Variants in CFLAR observed in about 807,000 individuals in gnomAD.
CFLAR encodes the protein CASP8 and FADD-like apoptosis regulator.
In CFLAR, 14 loss-of-function variants were observed where a neutral mutation model predicts 51.1. The observed-to-expected ratio is 0.27, with a 90% CI of 0.18 to 0.43. The LOEUF is 0.43. Ranked by LOEUF, CFLAR falls within the 20% of genes least tolerant of loss-of-function variation. The pLI is 1.00. For missense variants in CFLAR, 390 were observed against 566.5 expected (o/e 0.69, Z 3.16); for synonymous variants, 210 against 211.6 (o/e 0.99, Z 0.06).
At chr2:201,154,142 A>G in intron 8 of CFLAR, 2 of 289,982 alleles carry the variant, frequency 6.9e-6, no homozygotes, top group Non-Finnish European at 1.4e-5. Flanking sequence ...CCCAGGTTGG[A>G]GTGCAATGGC....
intron 5 of CFLAR, among the ~76,000 whole-genome samples, chr2:201,145,133 G>A (rs575062099): frequency 6.6e-6 from 1 of 152,284 alleles, no homozygotes; most frequent in South Asian, 2.1e-4. Flanking sequence ...GATTACAGGT[G>A]TCAGCCATCG....
chr2:201,162,115 G>A (rs1943109971), intron 9 of CFLAR, among the ~76,000 whole-genome samples: 2 of 150,880 alleles, frequency 1.3e-5, no homozygotes, highest in Admixed American at 6.6e-5. Context: ...TTGTTTGTTT[G>A]TTTTTTGAGA....
In CFLAR at chr2:201,138,484, A is replaced by G; in HGVS notation, c.524-1873A>G. On this transcript the variant is annotated intron_variant, in intron 4 of 9. Transcript: ENST00000309955. The surrounding 1 kb of genome is among the most constrained non-coding windows in gnomAD (Gnocchi z 4.0). ...GATCTCATTTGCCTCTTTCAACCTC[A>G]CACTGCTGGAGCCACCACTAGCTTG... The G allele has an allele frequency of 8.9e-7, 1 of 1,118,142 alleles. No individual in the cohort carries two copies. The highest frequency in any genetic ancestry group is 1.4e-6 in the Non-Finnish European group (1 of 738,056). The allele number at this position is 1,118,142 out of a possible 1,614,324, so 69.3% of individuals were successfully genotyped here. A position where few individuals can be genotyped will look rare whatever the true frequency, so the allele number is the denominator to read the frequency against.
In CFLAR at chr2:201,168,058, A is replaced by ACAG. The variant is rs1172964517; in HGVS notation, c.*4085_*4086insCAG. 2 of 152,292 alleles carry ACAG rather than the reference A, an allele frequency of 1.3e-5. No homozygotes were observed. Among genetic ancestry groups the ACAG allele is most frequent in the Middle Eastern group, 3.4e-3 (1 of 296 alleles). The allele number at this position is 152,292 out of a possible 1,614,324, so 9.4% of individuals were successfully genotyped here. ...GGAGATCAAGACCATCCTGGCTAACATGTAAAACCCCGTCTCTACTAAAAA... is the reference window on the plus strand; with the variant it reads ...GGAGATCAAGACCATCCTGGCTAACACAGTGTAAAACCCCGTCTCTACTAAAAA... On this transcript the variant is annotated 3_prime_UTR_variant, in exon 10 of 10. Coordinates refer to ENST00000309955, the MANE Select transcript of CFLAR (RefSeq NM_003879.7).
rs960127492 is a variant in CFLAR at position 201,141,226 on chromosome 2, G to A, written c.606+787G>A. 5.4e-5 allele frequency: 59 copies of A among 1,090,464 alleles called. No homozygotes were observed. The African/African-American group carries it at 8.6e-4, about 16-fold the overall frequency. 67.5% of individuals were successfully genotyped at this position (1,090,464 alleles called of 1,614,324 possible). On this transcript the variant is annotated intron_variant, in intron 5 of 9. Coordinates refer to ENST00000309955, the MANE Select transcript of CFLAR (RefSeq NM_003879.7). ...GCCTGGGTGACAAGAGCAAAACTCT[G>A]TCTCAAAAAAAATGTTTTCTTCCTA...
intron 8 of CFLAR, among the ~76,000 whole-genome samples, chr2:201,157,071 AT>A (rs1443076220): frequency 6.6e-6 from 1 of 152,184 alleles, no homozygotes; most frequent in Non-Finnish European, 1.5e-5. Flanking sequence ...GGCTGCCTTT[AT>A]TTCCTTTAAA....
At position 201,124,012 on chromosome 2, in the gene CFLAR, C is replaced by G. The variant is rs2048442914; in HGVS notation, c.-137-5717C>G. On this transcript the variant is annotated intron_variant, in intron 1 of 9. Coordinates refer to ENST00000309955, the MANE Select transcript of CFLAR (RefSeq NM_003879.7). The surrounding 1 kb of genome is among the most constrained non-coding windows in gnomAD (Gnocchi z 4.7). ...CAGTTTGTGGGGTTGCAAGAAATTA[C>G]ATTTGCATTCACGCTGTGGCTCACT... is the stretch of plus-strand genomic sequence containing the variant. 6.6e-6 allele frequency among the ~76,000 whole-genome samples: 1 copy of G among 152,200 alleles called. No individual in the cohort carries two copies. Among genetic ancestry groups the G allele is most frequent in the South Asian group, 2.1e-4 (1 of 4,832 alleles).
chr2:201,149,203 G>A, intron 7 of CFLAR, 151 bp downstream of exon 7: 1 of 564,894 alleles, frequency 1.8e-6, no homozygotes, highest in East Asian at 2.9e-5. Context: ...AGGGAACCCT[G>A]AATAACAAAG....
chr2:201,124,775 A>G lies in CFLAR; in HGVS notation c.-137-4954A>G, dbSNP rs1284962371. Among the ~76,000 whole-genome samples, 1 of 152,232 alleles carries G rather than the reference A, an allele frequency of 6.6e-6. No homozygotes were observed. The highest frequency in any genetic ancestry group is 1.5e-5 in the Non-Finnish European group (1 of 68,040). The stretch of plus-strand genomic sequence containing the variant: ...TGGTAGGCACCAGCATTTAAGGGAC[A>G]GGTGCAGAAAGAGTATGCTGAGGAG... On this transcript the variant is annotated intron_variant, in intron 1 of 9. Transcript: ENST00000309955. This position sits in a 1 kb window ranked among gnomAD's most constrained non-coding sequence, Gnocchi z 4.7.
At chr2:201,161,203 T>G (rs1217418809) in intron 9 of CFLAR, among the ~76,000 whole-genome samples, 2 of 152,144 alleles carry the variant, frequency 1.3e-5, no homozygotes, top group African/African-American at 4.8e-5. Flanking sequence ...GAGAACTTGC[T>G]CTATAAACAT....
In CFLAR at chr2:201,148,983, TTCTC is replaced by T. The variant is rs767396641; in HGVS notation, c.662-13_662-10del. On this transcript the variant is annotated splice_polypyrimidine_tract_variant and intron_variant, in intron 6 of 9. Transcript: ENST00000309955. ...GCTCTCCTTCAGCTTTGTAAATGGT[TTCTC>T]TCTCTCATCCCCCAGAAGAACCAGT... is the stretch of plus-strand genomic sequence containing the variant. 6 of 1,601,988 alleles carry T rather than the reference TTCTC, an allele frequency of 3.7e-6. No individual in the cohort carries two copies.
At position 201,129,738 on chromosome 2, in the gene CFLAR, A is replaced by T. The variant is rs1331198153; in HGVS notation, c.-128A>T. ...TCCCTTTTAACCACAGAACTCCCCC[A>T]CTGGAAAGGATTCTGAAAGAAATGA... On this transcript the variant is annotated 5_prime_UTR_variant, in exon 2 of 10. Coordinates refer to ENST00000309955, the MANE Select transcript of CFLAR (RefSeq NM_003879.7). 7 of 851,712 alleles carry T rather than the reference A, an allele frequency of 8.2e-6. No individual in the cohort carries two copies. In the African/African-American group the frequency reaches 1.0e-4, roughly 12 times the overall value. The allele number at this position is 851,712 out of a possible 1,614,324, so 52.8% of individuals were successfully genotyped here. A position where few individuals can be genotyped will look rare whatever the true frequency, so the allele number is the denominator to read the frequency against.
chr2:201,127,913 A>G (rs1438602575), intron 1 of CFLAR, among the ~76,000 whole-genome samples: 1 of 152,112 alleles, frequency 6.6e-6, no homozygotes, highest in Non-Finnish European at 1.5e-5. Flanking sequence ...TGAGCAGATA[A>G]TGTTTTTTAA....
At chr2:201,132,999 A>G in intron 2 of CFLAR, 30 bp from the exon 3 acceptor site, 1 of 1,604,024 alleles carries the variant, frequency 6.2e-7, no homozygotes, top group South Asian at 1.1e-5. Context: ...TGATGTCTGA[A>G]TTAACTAAAT....
chr2:201,153,561 A>G (rs1010686086), intron 8 of CFLAR: 2 of 152,136 alleles, frequency 1.3e-5, no homozygotes, highest in African/African-American at 4.8e-5. Context: ...AATTATGTGG[A>G]TTTCCTCTGT....
intron 1 of CFLAR, 135 bp from the exon 2 acceptor site, chr2:201,129,594 T>C (rs2049042619): frequency 4.4e-6 from 2 of 449,754 alleles, no homozygotes. Context: ...TTCTTTAGAC[T>C]TCTATAGATC....
chr2:201,137,977 T>C (rs565111946), intron 4 of CFLAR: 12 of 749,528 alleles, frequency 1.6e-5, no homozygotes, highest in Admixed American at 1.3e-4. Flanking sequence ...CCATCGGCTA[T>C]GATGGGCACA....
chr2:201,149,698 C>A, intron 7 of CFLAR, 56 bp from the exon 8 acceptor site: 1 of 1,378,804 alleles, frequency 7.3e-7, no homozygotes. Context: ...TGGGTGGGAC[C>A]TTATAGAAAC....
chr2:201,144,707 C>T (rs1939743842), intron 5 of CFLAR, among the ~76,000 whole-genome samples: 2 of 152,184 alleles, frequency 1.3e-5, no homozygotes, highest in African/African-American at 4.8e-5. Flanking sequence ...GTTGAAGGAA[C>T]AGGTGGAATG....
Sources: gnomAD v4.1 joint callset for allele counts (sites outside exome capture counted in the v4.1 genomes callset) on GRCh38, gnomAD v4.1.1 for gene constraint, Gnocchi (gnomAD v3.1) non-coding constraint, MANE v1.5 for transcripts, NCBI Gene and HGNC (gene_info 2026-07-23, HGNC 2026-07-21) for gene names.